The following FOXP1 variants were observed in gnomAD, a reference collection of about 807,000 sequenced individuals.
FOXP1 encodes the protein forkhead box P1.
A neutral mutation model predicts 98.2 loss-of-function variants in FOXP1; 15 were observed. That is an observed-to-expected ratio of 0.15 (90% CI 0.10 to 0.24). FOXP1 has a LOEUF of 0.24. Among genes scored for constraint, FOXP1 ranks in the 10% least tolerant of loss-of-function variants. The probability of loss-of-function intolerance (pLI) is 1.00; values close to 1 mark genes in which losing one functional copy is unlikely to be tolerated. For missense variants in FOXP1, 633 were observed against 848.5 expected, an observed-to-expected ratio of 0.75 and a Z score of 3.15; for synonymous variants, 371 against 314.5, an observed-to-expected ratio of 1.18 and a Z score of -1.90.
chr3:71,115,502 A>G (rs2058305844), intron 6 of FOXP1, among the ~76,000 whole-genome samples: 1 of 151,166 alleles, frequency 6.6e-6, no homozygotes, highest in Admixed American at 6.6e-5. Flanking sequence ...ACACCCAGCT[A>G]ATTTTTGTAT....
At chr3:71,047,143 G>A (rs746224647) in intron 9 of FOXP1, 48 bp from the exon 10 acceptor site, 1 of 1,610,058 alleles carries the variant, frequency 6.2e-7, no homozygotes, top group South Asian at 1.1e-5. Context: ...TCCCAAGGAA[G>A]GTTAAAAGTA....
At chr3:71,192,759 C>T (rs1248923409) in intron 6 of FOXP1, among the ~76,000 whole-genome samples, 4 of 152,110 alleles carry the variant, frequency 2.6e-5, no homozygotes, top group African/African-American at 9.7e-5. Flanking sequence ...AAGGGATCCT[C>T]CCACCTCAGC....
intron 6 of FOXP1, among the ~76,000 whole-genome samples, chr3:71,115,842 T>C (rs895528512): frequency 6.6e-6 from 1 of 150,660 alleles, no homozygotes; most frequent in Non-Finnish European, 1.5e-5. Context: ...GTTCAAGCAA[T>C]TCTCCTGCCC....
At chr3:71,326,224 C>T (rs971310435) in intron 4 of FOXP1, among the ~76,000 whole-genome samples, 5 of 152,158 alleles carry the variant, frequency 3.3e-5, no homozygotes, top group African/African-American at 1.2e-4. Context: ...AATCTTTGGT[C>T]ACCAGATCAC....
chr3:71,259,256 A>G (rs773330526), intron 5 of FOXP1, among the ~76,000 whole-genome samples: 3 of 152,254 alleles, frequency 2.0e-5, no homozygotes, highest in Non-Finnish European at 4.4e-5. Context: ...AGCTTAAAGC[A>G]CAGACAAGCT....
chr3:71,306,525 T>C (rs1389089550), intron 4 of FOXP1, among the ~76,000 whole-genome samples: 2 of 150,622 alleles, frequency 1.3e-5, no homozygotes, highest in East Asian at 2.0e-4. Flanking sequence ...CTGTTTGATA[T>C]ATGCATATAA....
chr3:71,510,864 C>T (rs1479598446), intron 2 of FOXP1, among the ~76,000 whole-genome samples: 2 of 152,180 alleles, frequency 1.3e-5, no homozygotes, highest in African/African-American at 4.8e-5. Flanking sequence ...CTCATTAAAA[C>T]AATTTTTTTA....
rs566466489 is a variant in FOXP1, at chr3:71,205,710, G to A, written c.-11-7318C>T. Reference sequence around the variant, plus strand: ...AACACAGCATCTGTGTCCAAACGGCGCCACTGACCTGTCCTGCCCTCTGGA... The same window carrying A: ...AACACAGCATCTGTGTCCAAACGGCACCACTGACCTGTCCTGCCCTCTGGA... On this transcript the variant is annotated intron_variant, in intron 5 of 20. Coordinates refer to ENST00000649528, the MANE Select transcript of FOXP1 (RefSeq NM_001349338.3). Among the ~76,000 whole-genome samples, 3 of 152,210 alleles carry A rather than the reference G, an allele frequency of 2.0e-5. No individual in the cohort carries two copies. In the South Asian group the frequency reaches 6.2e-4, roughly 32 times the overall value.
At chr3:71,043,441 C>T (rs1271943632) in intron 10 of FOXP1, among the ~76,000 whole-genome samples, 1 of 152,112 alleles carries the variant, frequency 6.6e-6, no homozygotes, top group East Asian at 1.9e-4. Context: ...CAACACCTTT[C>T]GAAGTGACAG....
At chr3:71,203,685 A>G (rs1308627001) in intron 5 of FOXP1, among the ~76,000 whole-genome samples, 1 of 152,234 alleles carries the variant, frequency 6.6e-6, no homozygotes, top group East Asian at 1.9e-4. Flanking sequence ...AAATGCCCTT[A>G]AAGAAGTTGG....
In FOXP1 at chr3:70,956,880, G is replaced by C. The variant is rs946889106; in HGVS notation, c.*2367C>G. The C allele has an allele frequency of 4.7e-6, 1 of 211,652 alleles. No homozygotes were observed. Among genetic ancestry groups the C allele is most frequent in the Non-Finnish European group, 9.4e-6 (1 of 105,892 alleles). 13.1% of individuals were successfully genotyped at this position (211,652 alleles called of 1,614,324 possible). A position where few individuals can be genotyped will look rare whatever the true frequency, so the allele number is the denominator to read the frequency against. On this transcript the variant is annotated 3_prime_UTR_variant, in exon 21 of 21. Coordinates refer to ENST00000649528, the MANE Select transcript of FOXP1 (RefSeq NM_001349338.3). ...ACCAAGCTTATGAGTGGATGGGAGTGTTACTTTTCTTTAAATGAAAAATGC... is the reference window on the plus strand; with the variant it reads ...ACCAAGCTTATGAGTGGATGGGAGTCTTACTTTTCTTTAAATGAAAAATGC...
intron 5 of FOXP1, among the ~76,000 whole-genome samples, chr3:71,213,009 C>T (rs893873941): frequency 1.3e-5 from 2 of 151,618 alleles, no homozygotes; most frequent in Non-Finnish European, 2.9e-5. Flanking sequence ...AGCCTCCTTT[C>T]GTATTTGTAG....
chr3:71,178,216 C>A (rs2062064495), intron 6 of FOXP1, among the ~76,000 whole-genome samples: 1 of 150,986 alleles, frequency 6.6e-6, no homozygotes, highest in South Asian at 2.1e-4. Context: ...CTCCCTGCAA[C>A]CTCCGCCTCC....
At chr3:71,091,509 CAAAACA>C (rs1321350168) in intron 7 of FOXP1, among the ~76,000 whole-genome samples, 178 of 151,294 alleles carry the variant, frequency 1.2e-3, no homozygotes, top group African/African-American at 4.2e-3. Context: ...CAAAACAAAA[CAAAACA>C]AAACAAACAA....
At chr3:71,193,188 C>T (rs1163961446) in intron 6 of FOXP1, among the ~76,000 whole-genome samples, 2 of 146,122 alleles carry the variant, frequency 1.4e-5, no homozygotes, top group African/African-American at 5.3e-5. Flanking sequence ...TGCTCTGTTG[C>T]CCAGGCTGGA....
At chr3:71,190,522 G>A (rs968521030) in intron 6 of FOXP1, among the ~76,000 whole-genome samples, 1 of 151,574 alleles carries the variant, frequency 6.6e-6, no homozygotes, top group African/African-American at 2.4e-5. Context: ...GAAGCCTGAT[G>A]GTGGGAGAAT....
At chr3:71,309,478 A>G (rs1016443550) in intron 4 of FOXP1, among the ~76,000 whole-genome samples, 3 of 152,148 alleles carry the variant, frequency 2.0e-5, no homozygotes, top group African/African-American at 7.2e-5. Context: ...GCACGAAGAA[A>G]ATATCGCCAA....
intron 7 of FOXP1, among the ~76,000 whole-genome samples, chr3:71,084,692 A>G (rs184127071): frequency 2.9e-4 from 44 of 152,278 alleles, no homozygotes; most frequent in African/African-American, 1.1e-3. Flanking sequence ...AGTTAACACT[A>G]TTTTTCAAAG....
intron 2 of FOXP1, among the ~76,000 whole-genome samples, chr3:71,551,388 A>G (rs1181549134): frequency 6.6e-6 from 1 of 152,196 alleles, no homozygotes; most frequent in Non-Finnish European, 1.5e-5. Context: ...ACTCAAACGC[A>G]AGGGTAAGGC....
Sources: allele counts gnomAD v4.1 joint callset (sites outside exome capture counted in the v4.1 genomes callset), GRCh38; gene constraint gnomAD v4.1.1; transcripts MANE v1.5; gene names NCBI Gene and HGNC (gene_info 2026-07-23, HGNC 2026-07-21).